Variants in SAV1 observed in about 807,000 individuals in gnomAD.
The protein encoded by SAV1 is salvador family WW domain containing protein 1, also known as protein salvador homolog 1.
A neutral mutation model predicts 47.3 loss-of-function variants in SAV1; 23 were observed. The observed-to-expected ratio is 0.49, with a 90% CI of 0.35 to 0.69. The LOEUF is 0.69. Among genes scored for constraint, SAV1 ranks in the 30% least tolerant of loss-of-function variants. The pLI is 0.01. For synonymous variants in SAV1, 155 were observed against 159.2 expected (o/e 0.97, Z 0.20); for missense variants, 448 against 457.4 (o/e 0.98, Z 0.19).
chr14:50,659,073 A>ATTTT, intron 2 of SAV1, among the ~76,000 whole-genome samples: 1 of 131,124 alleles, frequency 7.6e-6, no homozygotes, highest in Non-Finnish European at 1.6e-5. Flanking sequence ...GCTGTAAAGA[A>ATTTT]TTTTTTTTTT....
chr14:50,647,444 C>T (rs2039731583), intron 2 of SAV1, among the ~76,000 whole-genome samples: 1 of 152,086 alleles, frequency 6.6e-6, no homozygotes. Flanking sequence ...GTAGTTCAAC[C>T]TACTCAGGAA....
At chr14:50,656,442 T>A (rs2039813007) in intron 2 of SAV1, among the ~76,000 whole-genome samples, 1 of 38,664 alleles carries the variant, frequency 2.6e-5, no homozygotes, top group South Asian at 1.1e-3. Context: ...CCAACTGTAT[T>A]TTTTTTTTTT....
chr14:50,665,858 G>A (rs2039897782), intron 1 of SAV1, among the ~76,000 whole-genome samples: 1 of 152,078 alleles, frequency 6.6e-6, no homozygotes, highest in East Asian at 1.9e-4. Flanking sequence ...AGCTCAGCTA[G>A]AATAAAATGT....
At chr14:50,665,673 T>C in intron 1 of SAV1, 54 bp from the exon 2 acceptor site, 1 of 1,465,544 alleles carries the variant, frequency 6.8e-7, no homozygotes, top group Non-Finnish European at 9.1e-7. Context: ...AACAAAAGTT[T>C]TCGAAATTTG....
intron 4 of SAV1, among the ~76,000 whole-genome samples, chr14:50,637,431 G>T (rs2039642954): frequency 6.6e-6 from 1 of 152,174 alleles, no homozygotes; most frequent in Non-Finnish European, 1.5e-5. Flanking sequence ...ATCTCCCAGA[G>T]TTAGCTAAGA....
At chr14:50,639,630 A>G (rs1225580793) in intron 4 of SAV1, among the ~76,000 whole-genome samples, 1 of 152,206 alleles carries the variant, frequency 6.6e-6, no homozygotes, top group Non-Finnish European at 1.5e-5. Flanking sequence ...CAAAAAGACT[A>G]TAATCTTCAG....
intron 2 of SAV1, chr14:50,664,903 A>C (rs1034198099): frequency 8.5e-6 from 2 of 234,354 alleles, no homozygotes; most frequent in Non-Finnish European, 1.6e-5. Context: ...TAAATTCTCT[A>C]GGTTTTCAAG....
Position 50,640,733 on chromosome 14 carries a change from G to A in SAV1, c.950+17C>T. On this transcript the variant is annotated intron_variant, in intron 4 of 4. Coordinates refer to ENST00000324679, the MANE Select transcript of SAV1 (RefSeq NM_021818.4). Reference sequence around the variant, plus strand: ...TCACTCACTCCTCAAACAAATTTGTGTTGTAAATGTACTTACTTCACAGGG... The same window carrying A: ...TCACTCACTCCTCAAACAAATTTGTATTGTAAATGTACTTACTTCACAGGG... 6.2e-7 allele frequency: 1 copy of A among 1,602,440 alleles called. No homozygotes were observed. Among genetic ancestry groups the A allele is most frequent in the South Asian group, 1.1e-5 (1 of 89,546 alleles).
intron 1 of SAV1, among the ~76,000 whole-genome samples, chr14:50,667,197 C>A (rs2039908603): frequency 6.7e-6 from 1 of 148,964 alleles, no homozygotes; most frequent in South Asian, 2.1e-4. Context: ...GGAGTGGGAT[C>A]TACCCTATTA....
intron 4 of SAV1, among the ~76,000 whole-genome samples, chr14:50,636,400 C>T (rs1239538342): frequency 6.6e-6 from 1 of 151,932 alleles, no homozygotes; most frequent in Non-Finnish European, 1.5e-5. Context: ...ATTCTTGAGG[C>T]TGAGTACACA....
chr14:50,648,729 G>C (rs908020627), intron 2 of SAV1, among the ~76,000 whole-genome samples: 2 of 151,886 alleles, frequency 1.3e-5, no homozygotes, highest in African/African-American at 4.8e-5. Flanking sequence ...AGTGAGCCGA[G>C]ATTGCGCCAC....
Position 50,634,244 on chromosome 14 carries a change from C to T in SAV1, c.*939G>A. 1 of 446,562 alleles carries T rather than the reference C, an allele frequency of 2.2e-6. No homozygotes were observed. The highest frequency in any genetic ancestry group is 1.6e-5 in the South Asian group (1 of 62,824). The allele number at this position is 446,562 out of a possible 1,614,324, so 27.7% of individuals were successfully genotyped here. On this transcript the variant is annotated 3_prime_UTR_variant, in exon 5 of 5. Transcript: ENST00000324679. ...CCTTCCCAATACAGGCTAAGTATTC[C>T]TGCTTATATGTATTCCTGAAAGATT...
At chr14:50,660,610 C>A (rs1398766931) in intron 2 of SAV1, among the ~76,000 whole-genome samples, 1 of 152,182 alleles carries the variant, frequency 6.6e-6, no homozygotes, top group Non-Finnish European at 1.5e-5. Flanking sequence ...TTTATCATTT[C>A]TATGTGTTGG....
rs1425204344 is a variant in SAV1 at position 50,665,398 on chromosome 14, C to T, written c.316G>A (p.Val106Ile). 1.9e-6 allele frequency: 3 copies of T among 1,611,956 alleles called. No individual in the cohort carries two copies. Among genetic ancestry groups the T allele is most frequent in the Non-Finnish European group, 1.7e-6 (2 of 1,178,790 alleles). Residue 106 changes from valine (V) to isoleucine (I), a missense_variant, in exon 2 of 5, where the codon GTC (valine) becomes ATC (isoleucine). Val to Ile is a conservative substitution (Grantham distance 29, BLOSUM62 3). Coordinates refer to ENST00000324679, the MANE Select transcript of SAV1 (RefSeq NM_021818.4). ...PSYLARSLAD[V>I]PREYGSSQSF... ...TGAGAAGAACCATACTCTCTAGGGACATCTGCTAGACTTCTGGCAAGATAA... is the reference window on the plus strand; with the variant it reads ...TGAGAAGAACCATACTCTCTAGGGATATCTGCTAGACTTCTGGCAAGATAA...
chr14:50,652,901 C>T (rs115226649), intron 2 of SAV1, among the ~76,000 whole-genome samples: 1,769 of 152,156 alleles, frequency 0.012, 31 homozygotes, highest in African/African-American at 0.041. Context: ...CGTGGTGGCA[C>T]GTGGCAGTGA....
At chr14:50,635,795 C>G (rs111881757) in intron 4 of SAV1, among the ~76,000 whole-genome samples, 5 of 152,046 alleles carry the variant, frequency 3.3e-5, no homozygotes, top group African/African-American at 1.2e-4. Flanking sequence ...CTGCAACCTC[C>G]GCCTCCCGGG....
At chr14:50,641,402 A>G (rs75457992) in intron 3 of SAV1, among the ~76,000 whole-genome samples, 1 of 152,192 alleles carries the variant, frequency 6.6e-6, no homozygotes, top group Admixed American at 6.5e-5. Flanking sequence ...AAAAAAAAAA[A>G]AGACCATACT....
chr14:50,644,636 T>C, intron 3 of SAV1, 108 bp downstream of exon 3: 2 of 1,082,792 alleles, frequency 1.8e-6, no homozygotes, highest in East Asian at 2.4e-5. Context: ...TATAAGGCTT[T>C]CAAATCTCAA....
intron 2 of SAV1, among the ~76,000 whole-genome samples, chr14:50,663,783 T>C (rs1274329653): frequency 1.3e-5 from 2 of 152,360 alleles, no homozygotes; most frequent in East Asian, 3.9e-4. Context: ...CTTTAAACAC[T>C]GCTTTCATAA....
Sources: gnomAD v4.1 joint callset for allele counts (sites outside exome capture counted in the v4.1 genomes callset) on GRCh38, gnomAD v4.1.1 for gene constraint, MANE v1.5 for transcripts, NCBI Gene and HGNC (gene_info 2026-07-23, HGNC 2026-07-21) for gene names.